Variants in DMXL2 observed in about 807,000 individuals in gnomAD.
DMXL2 encodes dmX-like protein 2.
In DMXL2, 103 loss-of-function variants were observed where a neutral mutation model predicts 331.1. The ratio of observed to expected loss-of-function variants is 0.31; its 90% CI spans 0.27 to 0.37. The LOEUF (loss-of-function observed/expected upper bound fraction) is 0.37, where lower values mean the gene tolerates loss of function less well. Among genes scored for constraint, DMXL2 ranks in the 10% least tolerant of loss-of-function variants. The pLI is 1.00. For missense variants in DMXL2, 3,171 were observed against 3,642.9 expected (o/e 0.87, Z 3.33); for synonymous variants, 1,281 against 1,252.1 (o/e 1.02, Z -0.49).
At chr15:51,503,169 G>T (rs1237978635) in intron 16 of DMXL2, 136 bp from the exon 17 acceptor site, 2 of 666,512 alleles carry the variant, frequency 3.0e-6, no homozygotes, top group African/African-American at 3.6e-5. Flanking sequence ...AGAGAAAAGA[G>T]AGCTCTTTTT....
chr15:51,600,326 C>T (rs2053140858), intron 1 of DMXL2, among the ~76,000 whole-genome samples: 1 of 152,150 alleles, frequency 6.6e-6, no homozygotes, highest in Non-Finnish European at 1.5e-5. Context: ...ACCCTAATGA[C>T]CCCAAACCCT....
intron 40 of DMXL2, among the ~76,000 whole-genome samples, 173 bp from the exon 41 acceptor site, chr15:51,453,814 ATAT>A (rs2039375077): frequency 6.6e-6 from 1 of 152,246 alleles, no homozygotes; most frequent in African/African-American, 2.4e-5. Flanking sequence ...TGTCATGTGT[ATAT>A]TATTTGGCTA....
At chr15:51,554,819 G>A (rs2049449997) in intron 6 of DMXL2, among the ~76,000 whole-genome samples, 1 of 152,026 alleles carries the variant, frequency 6.6e-6, no homozygotes, top group East Asian at 1.9e-4. Context: ...AGCTTTTGAC[G>A]GTTTTGTACA....
At chr15:51,531,691 C>G (rs1456414032) in intron 13 of DMXL2, among the ~76,000 whole-genome samples, 1 of 152,092 alleles carries the variant, frequency 6.6e-6, no homozygotes, top group Non-Finnish European at 1.5e-5. Flanking sequence ...ATCTAGTAAT[C>G]TGATCAAAAA....
At chr15:51,578,052 A>C (rs1217150717) in intron 1 of DMXL2, among the ~76,000 whole-genome samples, 1 of 152,182 alleles carries the variant, frequency 6.6e-6, no homozygotes, top group East Asian at 1.9e-4. Context: ...ATTACAACTA[A>C]ATGACAAACT....
At chr15:51,618,740 T>C (rs909925132) in intron 1 of DMXL2, among the ~76,000 whole-genome samples, 1 of 152,228 alleles carries the variant, frequency 6.6e-6, no homozygotes, top group Non-Finnish European at 1.5e-5. Context: ...TATTATGCCA[T>C]TCCTTTGCTT....
chr15:51,455,581 G>A (rs944791237), intron 39 of DMXL2, among the ~76,000 whole-genome samples: 11 of 152,142 alleles, frequency 7.2e-5, no homozygotes, highest in Non-Finnish European at 1.5e-4. Context: ...TTGTAGGGAT[G>A]TGGTCTCCCT....
At chr15:51,593,465 G>T (rs1379867470) in intron 1 of DMXL2, among the ~76,000 whole-genome samples, 1 of 152,102 alleles carries the variant, frequency 6.6e-6, no homozygotes, top group Non-Finnish European at 1.5e-5. Flanking sequence ...CAATAATAAT[G>T]GGAGACTTTA....
intron 1 of DMXL2, chr15:51,603,849 C>A (rs2053397157): frequency 6.6e-6 from 1 of 151,046 alleles, no homozygotes; most frequent in South Asian, 2.1e-4. Context: ...GCCTGGGTGA[C>A]ACAGTGAGAC....
rs144407842 is a variant in DMXL2, at chr15:51,456,293, G to T, written c.8398+16C>A. Reference sequence around the variant, plus strand: ...CAAATGAGGACACTTACAATTATTAGGTCATAAATACTTACAGTATTGATG... The same window carrying T: ...CAAATGAGGACACTTACAATTATTATGTCATAAATACTTACAGTATTGATG... On this transcript the variant is annotated intron_variant, in intron 38 of 43. Transcript: ENST00000560891. 6.3e-6 allele frequency: 10 copies of T among 1,594,988 alleles called. No homozygotes were observed. Among genetic ancestry groups the T allele is most frequent in the Admixed American group, 1.8e-5 (1 of 56,042 alleles).
rs1038852453 is a variant in DMXL2, at chr15:51,464,733, C to T, written c.7750G>A (p.Ala2584Thr). Residue 2584 changes from alanine to threonine, a missense_variant, in exon 32 of 44, where the codon GCT (alanine) becomes ACT (threonine). By Grantham distance (58) the Ala-to-Thr change is moderately conservative. Around this residue, in one of 7 missense-constraint regions of DMXL2, gnomAD observed 766 missense variants for 940.5 expected, o/e 0.81. Transcript: ENST00000560891. ...NTYPTDLSVG[A>T]GPAILRNKAM... ...TTATTTCGAAGAATAGCTGGTCCAGCTCCCACTGAAAGGTCAGTTGGATAT... is the reference window on the plus strand; with the variant it reads ...TTATTTCGAAGAATAGCTGGTCCAGTTCCCACTGAAAGGTCAGTTGGATAT... 3 of 1,614,134 alleles carry T rather than the reference C, an allele frequency of 1.9e-6. No homozygotes were observed. The highest frequency in any genetic ancestry group is 1.1e-5 in the South Asian group (1 of 91,080).
chr15:51,557,365 A>G (rs2049665420), intron 6 of DMXL2, among the ~76,000 whole-genome samples: 1 of 152,208 alleles, frequency 6.6e-6, no homozygotes, highest in South Asian at 2.1e-4. Flanking sequence ...ATAAAACATT[A>G]CTGAGGAAAA....
In DMXL2 at chr15:51,564,280, A is replaced by C. The variant is rs760481838; in HGVS notation, c.365-20T>G. On this transcript the variant is annotated intron_variant, in intron 4 of 43. Coordinates refer to ENST00000560891, the MANE Select transcript of DMXL2 (RefSeq NM_001378457.1). ...TATTATCTGAAAATTAAAGAATGTTATGATGAATATGCAAATATTATATAG... is the reference window on the plus strand; with the variant it reads ...TATTATCTGAAAATTAAAGAATGTTCTGATGAATATGCAAATATTATATAG... 1 of 1,539,780 alleles carries C rather than the reference A, an allele frequency of 6.5e-7. No individual in the cohort carries two copies. Among genetic ancestry groups the C allele is most frequent in the South Asian group, 1.2e-5 (1 of 80,750 alleles).
intron 6 of DMXL2, 133 bp from the exon 7 acceptor site, chr15:51,547,541 T>C (rs2048954689): frequency 5.7e-6 from 3 of 524,976 alleles, no homozygotes; most frequent in Non-Finnish European, 9.4e-6. Context: ...ACAAAACTTA[T>C]CTCAAAATTA....
intron 2 of DMXL2, among the ~76,000 whole-genome samples, chr15:51,574,932 G>A (rs2141123923): frequency 6.6e-6 from 1 of 152,308 alleles, no homozygotes; most frequent in Middle Eastern, 3.4e-3. Flanking sequence ...GCAGGCTTAA[G>A]CTACCTTGCT....
intron 13 of DMXL2, among the ~76,000 whole-genome samples, chr15:51,530,388 T>C (rs1213572059): frequency 6.6e-6 from 1 of 152,028 alleles, no homozygotes; most frequent in African/African-American, 2.4e-5. Flanking sequence ...TTCCAGGATA[T>C]CAATCAACAT....
intron 34 of DMXL2, 60 bp downstream of exon 34, chr15:51,459,538 T>C (rs2039945448): frequency 1.6e-6 from 2 of 1,262,464 alleles, no homozygotes; most frequent in African/African-American, 3.1e-5. Context: ...GTATCAGAGA[T>C]GAGGCGTTAG....
rs770426518 is a variant in DMXL2 at position 51,450,261 on chromosome 15, G to A, written c.8835C>T (p.His2945=). 3.7e-6 allele frequency: 6 copies of A among 1,613,968 alleles called. No individual in the cohort carries two copies. In the East Asian group the frequency reaches 1.1e-4, roughly 30 times the overall value. ...QLLISGGRKG[H]VCIFDIRQRQ... is the part of the protein sequence containing the mutation. ...TTTGCCTGATGTCAAAAATGCAGAC[G>A]TGTCCTTTCCTACCCCCCGAGATTA... Residue 2945 remains histidine, a synonymous_variant, in exon 43 of 44, where the codon CAC becomes CAT. Coordinates refer to ENST00000560891, the MANE Select transcript of DMXL2 (RefSeq NM_001378457.1).
intron 1 of DMXL2, among the ~76,000 whole-genome samples, chr15:51,583,115 T>C (rs978508362): frequency 1.5e-4 from 6 of 40,320 alleles, no homozygotes; most frequent in Non-Finnish European, 3.2e-4. Context: ...TCTTTTTTTT[T>C]TTTTTCTTTT....
Sources: gnomAD v4.1 joint callset for allele counts (sites outside exome capture counted in the v4.1 genomes callset) on GRCh38, gnomAD v4.1.1 for gene constraint, gnomAD v4.1.1 regional missense constraint, MANE v1.5 for transcripts, NCBI Gene and HGNC (gene_info 2026-07-23, HGNC 2026-07-21) for gene names.